The following CRPPA variants were observed in gnomAD, a reference collection of about 807,000 sequenced individuals.
CRPPA encodes the protein CDP-L-ribitol pyrophosphorylase A, also known as D-ribitol-5-phosphate cytidylyltransferase.
CRPPA carries 43 observed loss-of-function variants against 52.0 expected under a neutral mutation model. That is an observed-to-expected ratio of 0.83 (90% CI 0.65 to 1.07). The LOEUF (loss-of-function observed/expected upper bound fraction) is 1.07, where lower values mean the gene tolerates loss of function less well. Ranked by LOEUF, CRPPA falls within the 50% of genes least tolerant of loss-of-function variation. The probability of loss-of-function intolerance (pLI) is 0.00; values close to 1 mark genes in which losing one functional copy is unlikely to be tolerated. For synonymous variants in CRPPA, 250 were observed against 203.5 expected (o/e 1.23, Z -1.94); for missense variants, 629 against 551.7 (o/e 1.14, Z -1.40).
intron 9 of CRPPA, among the ~76,000 whole-genome samples, chr7:16,202,096 G>C (rs75267016): frequency 9.9e-5 from 15 of 152,200 alleles, no homozygotes; most frequent in African/African-American, 3.6e-4. Context: ...TCCAACTATA[G>C]AGATGATGTC....
chr7:16,197,019 T>TAA (rs1437800532), intron 9 of CRPPA, among the ~76,000 whole-genome samples: 1 of 147,030 alleles, frequency 6.8e-6, no homozygotes. Context: ...GAAAAACCCT[T>TAA]AAAAAAAGAA....
intron 2 of CRPPA, among the ~76,000 whole-genome samples, chr7:16,395,229 C>T (rs2128315550): frequency 6.6e-6 from 1 of 152,226 alleles, no homozygotes; most frequent in South Asian, 2.1e-4. Flanking sequence ...ACCATATTTC[C>T]ACATGTCACT....
chr7:16,153,663 G>A (rs17169288), intron 9 of CRPPA, among the ~76,000 whole-genome samples: 5,738 of 152,034 alleles, frequency 0.038, 338 homozygotes, highest in East Asian at 0.3. Context: ...CATGAAGCAG[G>A]CAGGTATTAC....
At chr7:16,094,760 T>A (rs1013132609) in intron 9 of CRPPA, among the ~76,000 whole-genome samples, 3 of 152,118 alleles carry the variant, frequency 2.0e-5, no homozygotes, top group African/African-American at 7.2e-5. Flanking sequence ...CCCAAAAACC[T>A]GTACCTCCAG....
chr7:16,354,064 C>T (rs1314719994), intron 3 of CRPPA, among the ~76,000 whole-genome samples: 3 of 151,994 alleles, frequency 2.0e-5, no homozygotes, highest in African/African-American at 7.2e-5. Flanking sequence ...TACTATTTAT[C>T]ATTTAAACCT....
intron 5 of CRPPA, among the ~76,000 whole-genome samples, chr7:16,295,152 CT>C (rs1784645502): frequency 6.6e-6 from 1 of 152,044 alleles, no homozygotes; most frequent in Non-Finnish European, 1.5e-5. Flanking sequence ...AACTGCTCTT[CT>C]ATCGGTATAG....
chr7:16,410,885 C>G (rs1384074985), intron 1 of CRPPA, among the ~76,000 whole-genome samples: 2 of 152,172 alleles, frequency 1.3e-5, no homozygotes, highest in Non-Finnish European at 2.9e-5. Flanking sequence ...TCAGAGATGG[C>G]TCCCTCCAGG....
intron 9 of CRPPA, among the ~76,000 whole-genome samples, chr7:16,208,078 T>C (rs28470194): frequency 0.062 from 9,489 of 152,216 alleles, 779 homozygotes; most frequent in East Asian, 0.3. Context: ...GCAACAACAC[T>C]ATTTTCTAGC....
intron 9 of CRPPA, among the ~76,000 whole-genome samples, chr7:16,116,815 G>GT (rs1395950316): frequency 5.3e-5 from 8 of 152,124 alleles, no homozygotes; most frequent in Non-Finnish European, 8.8e-5. Flanking sequence ...CAGAAAAAGC[G>GT]TATCAGAGGA....
At chr7:16,097,587 C>A (rs1044895123) in intron 9 of CRPPA, among the ~76,000 whole-genome samples, 6 of 152,058 alleles carry the variant, frequency 3.9e-5, no homozygotes, top group Non-Finnish European at 1.5e-5. Context: ...GTAATGAAGT[C>A]GTGTCAATAA....
chr7:16,201,940 C>A (rs1324722878), intron 9 of CRPPA, among the ~76,000 whole-genome samples: 1 of 152,124 alleles, frequency 6.6e-6, no homozygotes, highest in Non-Finnish European at 1.5e-5. Flanking sequence ...TATGGCCATT[C>A]TTTTCTTGCT....
At chr7:16,198,564 C>T (rs1418251492) in intron 9 of CRPPA, among the ~76,000 whole-genome samples, 34 of 131,268 alleles carry the variant, frequency 2.6e-4, no homozygotes, top group East Asian at 1.0e-3. Flanking sequence ...ATATGCTGAA[C>T]GCTGGTTCCC....
At chr7:16,097,822 C>A (rs1781965283) in intron 9 of CRPPA, among the ~76,000 whole-genome samples, 1 of 152,104 alleles carries the variant, frequency 6.6e-6, no homozygotes, top group Admixed American at 6.6e-5. Flanking sequence ...TTACATCCTT[C>A]TCCACCTCCC....
intron 9 of CRPPA, among the ~76,000 whole-genome samples, chr7:16,203,254 C>T (rs551825431): frequency 1.3e-5 from 2 of 152,146 alleles, no homozygotes; most frequent in Admixed American, 6.6e-5. Context: ...ATTGTTTGGG[C>T]GTATCCAGCA....
Position 16,224,202 on chromosome 7 carries a change from C to T in CRPPA, c.1120-8005G>A, listed in dbSNP as rs549037994. 7.9e-5 allele frequency among the ~76,000 whole-genome samples: 12 copies of T among 152,146 alleles called. No homozygotes were observed. The South Asian group carries it at 1.7e-3, about 21-fold the overall frequency. ...TTTTGTGTCTTTACACTCAGCTCTA[C>T]GCAAGCTTTATGTTTGTCTAGAATT... On this transcript the variant is annotated intron_variant, in intron 8 of 9. Transcript: ENST00000407010.
intron 9 of CRPPA, among the ~76,000 whole-genome samples, chr7:16,140,927 A>G (rs181107110): frequency 1.2e-4 from 19 of 152,346 alleles, no homozygotes; most frequent in African/African-American, 3.8e-4. Context: ...AACATTTCAT[A>G]TGAAAAAGAA....
chr7:16,215,987 C>G (rs1200246927), intron 9 of CRPPA, 79 bp downstream of exon 9: 2 of 1,110,664 alleles, frequency 1.8e-6, no homozygotes, highest in African/African-American at 3.2e-5. Context: ...ATAATATCCT[C>G]CTGCTTTTAA....
At chr7:16,324,499 C>T (rs1785334442) in intron 3 of CRPPA, among the ~76,000 whole-genome samples, 2 of 152,228 alleles carry the variant, frequency 1.3e-5, no homozygotes, top group South Asian at 2.1e-4. Flanking sequence ...ACACCAACTC[C>T]TCTGGCCCAT....
intron 9 of CRPPA, among the ~76,000 whole-genome samples, chr7:16,123,147 A>C (rs1562515166): frequency 1.3e-5 from 2 of 152,148 alleles, no homozygotes; most frequent in Non-Finnish European, 2.9e-5. Flanking sequence ...CAAAAAAGCT[A>C]TGAGAAATTA....
Sources: allele counts gnomAD v4.1 joint callset (sites outside exome capture counted in the v4.1 genomes callset), GRCh38; gene constraint gnomAD v4.1.1; transcripts MANE v1.5; gene names NCBI Gene and HGNC (gene_info 2026-07-23, HGNC 2026-07-21).